PRKD2: variants seen among roughly 807,000 people sequenced by gnomAD.
PRKD2 encodes the protein serine/threonine-protein kinase D2.
In PRKD2, 22 loss-of-function variants were observed where a neutral mutation model predicts 86.0. The ratio of observed to expected loss-of-function variants is 0.26; its 90% CI spans 0.18 to 0.37. The LOEUF (loss-of-function observed/expected upper bound fraction) is 0.37. Ranked by LOEUF, PRKD2 falls within the 10% of genes least tolerant of loss-of-function variation. PRKD2 has a pLI of 1.00. For synonymous variants in PRKD2, 509 were observed against 510.9 expected (o/e 1.00, Z 0.05); for missense variants, 818 against 1,199.2 (o/e 0.68, Z 4.70).
Position 46,691,784 on chromosome 19 carries a change from G to T in PRKD2, c.1653C>A (p.Ile551=). Residue 551 remains isoleucine, a synonymous_variant, in exon 12 of 18, where the codon ATC becomes ATA. Coordinates refer to ENST00000291281, the MANE Select transcript of PRKD2 (RefSeq NM_016457.5). Reference sequence around the variant, plus strand: ...CTGAGCCCAGCACTTCGTCAGGGAAGATCTGGTAGACAGTGGCAATGTCCT... The same window carrying T: ...CTGAGCCCAGCACTTCGTCAGGGAATATCTGGTAGACAGTGGCAATGTCCT... ...ENVDIATVYQ[I]FPDEVLGSGQ... 1 of 1,613,814 alleles carries T rather than the reference G, an allele frequency of 6.2e-7. No homozygotes were observed. The highest frequency in any genetic ancestry group is 8.5e-7 in the Non-Finnish European group (1 of 1,180,044).
At chr19:46,701,150 G>A (rs374950796) in intron 5 of PRKD2, 38 bp from the exon 6 acceptor site, 26 of 1,595,630 alleles carry the variant, frequency 1.6e-5, no homozygotes, top group Non-Finnish European at 2.1e-5. Context: ...GTGAGAAGGG[G>A]AAGAGAGGTT....
At chr19:46,698,535 C>G (rs913774035) in intron 7 of PRKD2, among the ~76,000 whole-genome samples, 4 of 152,230 alleles carry the variant, frequency 2.6e-5, no homozygotes, top group Non-Finnish European at 5.9e-5. Context: ...CCAGTAAGTG[C>G]TAATTGGTAT....
At chr19:46,707,135 G>GC (rs1366628485) in intron 3 of PRKD2, among the ~76,000 whole-genome samples, 2 of 151,856 alleles carry the variant, frequency 1.3e-5, no homozygotes, top group Admixed American at 6.6e-5. Flanking sequence ...CTCATGATCC[G>GC]CCCGCCTTGG....
chr19:46,681,409 C>A (rs2053304947), intron 15 of PRKD2, among the ~76,000 whole-genome samples: 1 of 151,930 alleles, frequency 6.6e-6, no homozygotes, highest in Non-Finnish European at 1.5e-5. Context: ...CGCACGCCAC[C>A]ATTCCCGGCT....
intron 5 of PRKD2, among the ~76,000 whole-genome samples, chr19:46,703,958 A>ACACACACACACACACAC (rs1555830818): frequency 3.0e-5 from 4 of 133,658 alleles, no homozygotes; most frequent in Non-Finnish European, 6.3e-5. Context: ...AAACAACAAC[A>ACACACACACACACACAC]ACACACACAC....
chr19:46,705,034 A>G (rs932536331), intron 3 of PRKD2, among the ~76,000 whole-genome samples: 1 of 147,690 alleles, frequency 6.8e-6, no homozygotes, highest in Non-Finnish European at 1.5e-5. Flanking sequence ...CTCACACCCA[A>G]AATTTTCCCA....
Position 46,710,938 on chromosome 19 carries a change from G to A in PRKD2, c.480C>T (p.Phe160=), listed in dbSNP as rs143631618. 2.6e-6 allele frequency: 4 copies of A among 1,557,368 alleles called. No individual in the cohort carries two copies. The highest frequency in any genetic ancestry group is 3.5e-6 in the Non-Finnish European group (4 of 1,149,862). The part of the protein sequence containing the change: ...AFCDHCGEML[F]GLVRQGLKCD... The stretch of plus-strand genomic sequence containing the variant: ...ACTTGAGGCCCTGGCGCACTAGGCC[G>A]AAGAGCATCTCCCCGCAGTGATCAC... Residue 160 remains phenylalanine, a synonymous_variant, in exon 3 of 18, where the codon TTC becomes TTT. Transcript: ENST00000291281.
At chr19:46,676,631 G>A (rs1188384617) in intron 16 of PRKD2, among the ~76,000 whole-genome samples, 1 of 152,218 alleles carries the variant, frequency 6.6e-6, no homozygotes, top group Non-Finnish European at 1.5e-5. Context: ...TCCGAGGAGA[G>A]GCCTGGTGCA....
chr19:46,704,748 T>C (rs1397033583), intron 3 of PRKD2, 99 bp from the exon 4 acceptor site: 3 of 1,440,822 alleles, frequency 2.1e-6, no homozygotes, highest in Non-Finnish European at 1.9e-6. Flanking sequence ...CACCTGGTCC[T>C]GTCCCATCAC....
Position 46,716,164 on chromosome 19 carries a change from C to A in PRKD2, c.207G>T (p.Val69=). ...LLPAASELAH[V]KQLACSIVDQ... Reference sequence around the variant, plus strand: ...CCACGATGGAACAGGCCAGCTGCTTCACATGAGCCAGCTCGGAGGCGGCGG... The same window carrying A: ...CCACGATGGAACAGGCCAGCTGCTTAACATGAGCCAGCTCGGAGGCGGCGG... Residue 69 remains valine, a synonymous_variant, in exon 1 of 18, where the codon GTG becomes GTT. Transcript: ENST00000291281. The surrounding 1 kb of genome is among the most constrained non-coding windows in gnomAD (Gnocchi z 7.9). 6.2e-7 allele frequency: 1 copy of A among 1,611,704 alleles called. No homozygotes were observed. Among genetic ancestry groups the A allele is most frequent in the Admixed American group, 1.7e-5 (1 of 59,966 alleles).
intron 3 of PRKD2, among the ~76,000 whole-genome samples, chr19:46,705,462 T>G (rs1183405873): frequency 6.6e-6 from 1 of 152,040 alleles, no homozygotes; most frequent in East Asian, 1.9e-4. Flanking sequence ...AGACCTGGAA[T>G]CCAGGCAATC....
intron 10 of PRKD2, 100 bp from the exon 11 acceptor site, chr19:46,692,085 T>G (rs2053492111): frequency 8.5e-7 from 1 of 1,174,254 alleles, no homozygotes; most frequent in Non-Finnish European, 1.3e-6. Flanking sequence ...CACCCAGATT[T>G]GAATCCAATG....
Position 46,682,789 on chromosome 19 carries a change from C to T in PRKD2, c.1972-1041G>A, listed in dbSNP as rs555146390. On this transcript the variant is annotated intron_variant, in intron 14 of 17. Coordinates refer to ENST00000291281, the MANE Select transcript of PRKD2 (RefSeq NM_016457.5). ...GGCGGGATCACAGCTCACTGCACCT[C>T]GACCTCCCAGGCTAAATCCATCCTC... Among the ~76,000 whole-genome samples the T allele has an allele frequency of 3.3e-5, 5 of 149,484 alleles. No homozygotes were observed. In the South Asian group the frequency reaches 1.1e-3, roughly 31 times the overall value.
intron 1 of PRKD2, among the ~76,000 whole-genome samples, chr19:46,715,599 A>T (rs1406875018): frequency 6.6e-6 from 1 of 152,188 alleles, no homozygotes; most frequent in Non-Finnish European, 1.5e-5. Flanking sequence ...GAAAGGGAAT[A>T]GAGTCCCCAG....
chr19:46,694,043 C>G lies in PRKD2; in HGVS notation c.1408G>C (p.Val470Leu). ...PGTNPHCFEI[V>L]TANATYFVGE... ...ACGAAGTAGGTGGCATTGGCAGTGA[C>G]GATCTCAAAGCAGTGTGGGTTGGTG... The change falls in exon 10 of 18, where the codon GTC becomes CTC. Residue 470 changes from valine to leucine, a missense_variant. Transcript: ENST00000291281. 6.2e-7 allele frequency: 1 copy of G among 1,614,130 alleles called. No individual in the cohort carries two copies. The highest frequency in any genetic ancestry group is 8.5e-7 in the Non-Finnish European group (1 of 1,180,038).
Position 46,678,743 on chromosome 19 carries a change from T to C in PRKD2, c.2071-80A>G. On this transcript the variant is annotated intron_variant, in intron 15 of 17. Transcript: ENST00000291281. This position sits in a 1 kb window ranked among gnomAD's most constrained non-coding sequence, Gnocchi z 5.7. ...AGCATCCCCACCACACCACCCTCCATGGTATTCCAGAGAAAGCTGGATGCT... is the reference window on the plus strand; with the variant it reads ...AGCATCCCCACCACACCACCCTCCACGGTATTCCAGAGAAAGCTGGATGCT... 1 of 1,470,900 alleles carries C rather than the reference T, an allele frequency of 6.8e-7. No homozygotes were observed. 91.1% of individuals were successfully genotyped at this position (1,470,900 alleles called of 1,614,324 possible). A position where few individuals can be genotyped will look rare whatever the true frequency, so the allele number is the denominator to read the frequency against.
At chr19:46,705,786 C>CTAA (rs1568733864) in intron 3 of PRKD2, among the ~76,000 whole-genome samples, 17 of 144,190 alleles carry the variant, frequency 1.2e-4, no homozygotes, top group African/African-American at 1.3e-4. Flanking sequence ...GACTCAGTTT[C>CTAA]AAAAAAAAAA....
intron 2 of PRKD2, 52 bp downstream of exon 2, chr19:46,713,811 A>G: frequency 1.3e-5 from 11 of 825,552 alleles, no homozygotes; most frequent in Non-Finnish European, 1.7e-5. Flanking sequence ...CCTCCCCCAG[A>G]TGCCCCGCCC....
At chr19:46,687,047 T>C (rs1224657167) in intron 14 of PRKD2, among the ~76,000 whole-genome samples, 1 of 151,266 alleles carries the variant, frequency 6.6e-6, no homozygotes, top group African/African-American at 2.4e-5. Context: ...CATTGAACAA[T>C]ATAAGTGATA....
Sources: allele counts gnomAD v4.1 joint callset (sites outside exome capture counted in the v4.1 genomes callset), GRCh38; gene constraint gnomAD v4.1.1; non-coding constraint Gnocchi (gnomAD v3.1); transcripts MANE v1.5; gene names NCBI Gene and HGNC (gene_info 2026-07-23, HGNC 2026-07-21).